Variants in RBMS3 observed in about 807,000 individuals in gnomAD.
RBMS3 encodes the protein RNA-binding motif, single-stranded-interacting protein 3.
Under a neutral mutation model 66.8 loss-of-function variants are expected in RBMS3, and 27 were observed. The ratio of observed to expected loss-of-function variants is 0.40; its 90% CI spans 0.30 to 0.56. RBMS3 has a LOEUF of 0.56. Ranked by LOEUF, RBMS3 falls within the 20% of genes least tolerant of loss-of-function variation. The probability of loss-of-function intolerance (pLI) is 0.40; values close to 1 mark genes in which losing one functional copy is unlikely to be tolerated. For missense variants in RBMS3, 513 were observed against 549.5 expected (o/e 0.93, Z 0.66); for synonymous variants, 188 against 183.0 (o/e 1.03, Z -0.22).
intron 1 of RBMS3, among the ~76,000 whole-genome samples, chr3:29,304,930 A>G (rs1170762428): frequency 6.6e-6 from 1 of 151,858 alleles, no homozygotes; most frequent in Non-Finnish European, 1.5e-5. Context: ...CCATAACAAT[A>G]TATATCCTCA....
chr3:29,379,461 A>G (rs1459034953), intron 1 of RBMS3, among the ~76,000 whole-genome samples: 2 of 152,174 alleles, frequency 1.3e-5, no homozygotes, highest in African/African-American at 4.8e-5. Context: ...TTACAGAAGG[A>G]GTTTTATTGG....
At chr3:29,680,286 A>G (rs780554485) in intron 4 of RBMS3, among the ~76,000 whole-genome samples, 3 of 152,230 alleles carry the variant, frequency 2.0e-5, no homozygotes, top group Non-Finnish European at 4.4e-5. Context: ...CATTTGAGTG[A>G]TGTTTTGCCT....
chr3:29,878,222 C>T (rs550149390), intron 7 of RBMS3, among the ~76,000 whole-genome samples: 1 of 152,190 alleles, frequency 6.6e-6, no homozygotes, highest in South Asian at 2.1e-4. Flanking sequence ...CTGCTGCTCA[C>T]CTCCTGCTGT....
At chr3:29,869,112 A>T (rs1474400898) in intron 7 of RBMS3, 148 bp downstream of exon 7, 2 of 630,234 alleles carry the variant, frequency 3.2e-6, no homozygotes, top group Non-Finnish European at 5.5e-6. Flanking sequence ...ACCCATGTTA[A>T]TGTGTTCTAG....
At chr3:29,328,901 A>T (rs1361107122) in intron 1 of RBMS3, among the ~76,000 whole-genome samples, 2 of 152,198 alleles carry the variant, frequency 1.3e-5, no homozygotes, top group East Asian at 3.8e-4. Flanking sequence ...TTTTGCACAT[A>T]CTAGTCACTG....
rs560302438 is a variant in RBMS3, at chr3:29,952,733, A to G, written c.1098+8479A>G. ...TGTTTATTCTTCCTTCCTTTCTACC[A>G]CTAAGTTTTATTTATTTTGATCATG... On this transcript the variant is annotated intron_variant, in intron 12 of 14. Transcript: ENST00000383767. Among the ~76,000 whole-genome samples the G allele has an allele frequency of 5.5e-4, 84 of 151,784 alleles. 1 individual carries two copies. The South Asian group carries it at 0.017, about 30-fold the overall frequency.
At chr3:29,825,705 T>G (rs2058194616) in intron 6 of RBMS3, among the ~76,000 whole-genome samples, 1 of 152,150 alleles carries the variant, frequency 6.6e-6, no homozygotes. Context: ...TACCCAGTCT[T>G]GGGTATGTCT....
chr3:29,855,169 A>T (rs1040004915), intron 6 of RBMS3, among the ~76,000 whole-genome samples: 1 of 152,180 alleles, frequency 6.6e-6, no homozygotes, highest in Non-Finnish European at 1.5e-5. Flanking sequence ...TTGAGTGTTC[A>T]GTGTAAGGTC....
chr3:29,983,175 C>CT (rs1009390149), intron 12 of RBMS3, among the ~76,000 whole-genome samples: 1 of 150,154 alleles, frequency 6.7e-6, no homozygotes, highest in Admixed American at 6.6e-5. Context: ...CCTTCTTTGT[C>CT]TTTTTTTATC....
In RBMS3 at chr3:29,328,951, A is replaced by C. The variant is rs1466789260; in HGVS notation, c.75+47195A>C. On this transcript the variant is annotated intron_variant, in intron 1 of 14. Coordinates refer to ENST00000383767, the MANE Select transcript of RBMS3 (RefSeq NM_001003793.3). ...AAACATGAAAGAGTGTTCAGATGTG[A>C]AAACACTCATTTTTGGCTATAGAAT... 2.0e-5 allele frequency among the ~76,000 whole-genome samples: 3 copies of C among 152,166 alleles called. No homozygotes were observed. The East Asian group carries it at 5.8e-4, about 30-fold the overall frequency.
intron 3 of RBMS3, among the ~76,000 whole-genome samples, chr3:29,500,304 G>A (rs1466402619): frequency 6.6e-6 from 1 of 151,114 alleles, no homozygotes; most frequent in Non-Finnish European, 1.5e-5. Flanking sequence ...AATATGACAA[G>A]AGGACAACTT....
intron 3 of RBMS3, among the ~76,000 whole-genome samples, chr3:29,489,843 G>A (rs1186072764): frequency 1.3e-5 from 2 of 151,206 alleles, no homozygotes; most frequent in African/African-American, 2.4e-5. Context: ...AGGACTTTGA[G>A]ACCAGCCTGG....
intron 6 of RBMS3, among the ~76,000 whole-genome samples, chr3:29,860,793 T>C (rs1443106227): frequency 6.6e-6 from 1 of 152,226 alleles, no homozygotes; most frequent in Non-Finnish European, 1.5e-5. Flanking sequence ...TTTCATCCAT[T>C]AGTATGAACA....
At chr3:29,348,478 T>C (rs4603920) in intron 1 of RBMS3, among the ~76,000 whole-genome samples, 27,315 of 152,052 alleles carry the variant, frequency 0.18, 2,573 homozygotes, top group Admixed American at 0.24. Context: ...TGAAAGTTAA[T>C]TTATGTATTT....
Position 29,689,917 on chromosome 3 carries a change from CAAAAAAAAAA to C in RBMS3, c.400-49774_400-49765del, listed in dbSNP as rs66580293. ...CAACATAGCAAGATCCTATCTCTAC[CAAAAAAAAAA>C]AAAAAAAAAAAAAAAAAAAAAAAAA... On this transcript the variant is annotated intron_variant, in intron 4 of 14. Transcript: ENST00000383767. 3.1e-3 allele frequency among the ~76,000 whole-genome samples: 87 copies of C among 27,722 alleles called. 1 individual carries two copies. The highest frequency in any genetic ancestry group is 8.5e-3 in the African/African-American group (83 of 9,818). The allele number at this position is 27,722 out of a possible 152,430, so 18.2% of individuals were successfully genotyped here.
intron 3 of RBMS3, among the ~76,000 whole-genome samples, chr3:29,586,642 A>T (rs960948666): frequency 6.6e-6 from 1 of 152,142 alleles, no homozygotes; most frequent in African/African-American, 2.4e-5. Flanking sequence ...TATTTATTGA[A>T]TGCCTACTGT....
chr3:29,590,828 G>T (rs1190811451), intron 4 of RBMS3, among the ~76,000 whole-genome samples: 1 of 152,082 alleles, frequency 6.6e-6, no homozygotes, highest in East Asian at 1.9e-4. Flanking sequence ...ATTCTTTGGG[G>T]TGCCATCAAG....
At chr3:29,670,840 C>G (rs1427805386) in intron 4 of RBMS3, among the ~76,000 whole-genome samples, 1 of 152,064 alleles carries the variant, frequency 6.6e-6, no homozygotes, top group Non-Finnish European at 1.5e-5. Context: ...CATAGCTGAA[C>G]AAAAGGCACA....
chr3:29,292,657 A>G (rs1575480296), intron 1 of RBMS3, among the ~76,000 whole-genome samples: 1 of 151,972 alleles, frequency 6.6e-6, no homozygotes, highest in South Asian at 2.1e-4. Context: ...GAGGCTGTCA[A>G]TAGCAGCCTA....
Sources: allele counts gnomAD v4.1 joint callset (sites outside exome capture counted in the v4.1 genomes callset), GRCh38; gene constraint gnomAD v4.1.1; transcripts MANE v1.5; gene names NCBI Gene and HGNC (gene_info 2026-07-23, HGNC 2026-07-21).